Variants in SUGCT observed in about 807,000 individuals in gnomAD.
The protein encoded by SUGCT is succinyl-CoA:glutarate-CoA transferase.
SUGCT carries 41 observed loss-of-function variants against 55.0 expected under a neutral mutation model. The ratio of observed to expected loss-of-function variants is 0.74; its 90% CI spans 0.58 to 0.97. The LOEUF (loss-of-function observed/expected upper bound fraction) is 0.97. SUGCT is among the 50% of genes least tolerant of loss of function. The pLI is 0.00. For missense variants in SUGCT, 568 were observed against 547.8 expected (o/e 1.04, Z -0.37); for synonymous variants, 187 against 200.4 (o/e 0.93, Z 0.56).
chr7:40,953,596 G>A, the SUGCT span, among the ~76,000 whole-genome samples: 1 of 152,104 alleles, frequency 6.6e-6, no homozygotes, highest in Non-Finnish European at 1.5e-5. Flanking sequence ...TCTACCTTTG[G>A]TCTTTGATGA....
chr7:41,027,699 T>C, the SUGCT span, among the ~76,000 whole-genome samples: 3 of 152,144 alleles, frequency 2.0e-5, no homozygotes, highest in African/African-American at 7.2e-5. Context: ...AGTTGTCTCA[T>C]GTAAAAAAGT....
chr7:40,816,293 T>G (rs1050129250), intron 13 of SUGCT, among the ~76,000 whole-genome samples: 1 of 152,214 alleles, frequency 6.6e-6, no homozygotes, highest in Admixed American at 6.5e-5. Context: ...GGTCCTGCAT[T>G]AAAAATGGCA....
chr7:40,334,408 C>T (rs1344344192), intron 9 of SUGCT, among the ~76,000 whole-genome samples: 2 of 152,170 alleles, frequency 1.3e-5, no homozygotes, highest in East Asian at 1.9e-4. Flanking sequence ...CCTCTCCCAG[C>T]ACCTGTTGTT....
chr7:40,999,677 C>T, the SUGCT span, among the ~76,000 whole-genome samples: 5 of 152,114 alleles, frequency 3.3e-5, no homozygotes, highest in Non-Finnish European at 7.4e-5. Context: ...TCCAGTGGGG[C>T]CAGAAATTCT....
intron 7 of SUGCT, among the ~76,000 whole-genome samples, chr7:40,239,384 A>C (rs1183472810): frequency 6.6e-6 from 1 of 152,166 alleles, no homozygotes; most frequent in East Asian, 1.9e-4. Context: ...GCCTTCCCTT[A>C]AAATATTCAA....
At chr7:40,722,076 T>G (rs1786367984) in intron 12 of SUGCT, among the ~76,000 whole-genome samples, 1 of 152,192 alleles carries the variant, frequency 6.6e-6, no homozygotes, top group Non-Finnish European at 1.5e-5. Context: ...AGTAATTTTT[T>G]TTTTTTAACG....
chr7:40,885,489 CT>C, the SUGCT span, among the ~76,000 whole-genome samples: 1 of 152,178 alleles, frequency 6.6e-6, no homozygotes, highest in East Asian at 1.9e-4. Flanking sequence ...AAGTCTTCCT[CT>C]TTGGGGACCC....
intron 11 of SUGCT, among the ~76,000 whole-genome samples, chr7:40,467,277 T>C (rs936527527): frequency 2.0e-5 from 3 of 151,608 alleles, no homozygotes; most frequent in Non-Finnish European, 4.4e-5. Flanking sequence ...TCAGCCTATT[T>C]GAGGAAAATC....
At chr7:40,473,540 C>A (rs1790508003) in intron 11 of SUGCT, among the ~76,000 whole-genome samples, 1 of 152,032 alleles carries the variant, frequency 6.6e-6, no homozygotes, top group Non-Finnish European at 1.5e-5. Context: ...CGGTTAGCAG[C>A]AGGGACTGAG....
At chr7:40,523,479 T>G (rs952040863) in intron 12 of SUGCT, among the ~76,000 whole-genome samples, 2 of 152,128 alleles carry the variant, frequency 1.3e-5, no homozygotes, top group Admixed American at 1.3e-4. Context: ...GTGTCTGATT[T>G]TATTAGTTTT....
At chr7:40,337,782 C>T (rs1347346258) in intron 9 of SUGCT, among the ~76,000 whole-genome samples, 1 of 151,908 alleles carries the variant, frequency 6.6e-6, no homozygotes, top group African/African-American at 2.4e-5. Context: ...TGAATTTGAT[C>T]CTGTCATTAT....
intron 13 of SUGCT, among the ~76,000 whole-genome samples, chr7:40,848,026 G>A (rs910412167): frequency 1.3e-5 from 2 of 152,158 alleles, no homozygotes; most frequent in African/African-American, 2.4e-5. Context: ...TGGCCTCCCA[G>A]AAACAAGGGC....
At chr7:40,180,389 A>T (rs1785130802) in intron 1 of SUGCT, among the ~76,000 whole-genome samples, 1 of 151,964 alleles carries the variant, frequency 6.6e-6, no homozygotes, top group Non-Finnish European at 1.5e-5. Flanking sequence ...AAGTGGTGGG[A>T]TTACAGGCGT....
At chr7:40,810,171 G>A (rs1018365250) in intron 13 of SUGCT, among the ~76,000 whole-genome samples, 1 of 151,714 alleles carries the variant, frequency 6.6e-6, no homozygotes, top group Non-Finnish European at 1.5e-5. Flanking sequence ...GGTCACCCAG[G>A]CTGGAGTGCA....
rs1788007304 is a variant in SUGCT, at chr7:40,221,297, G to A, written c.485-16338G>A. Among the ~76,000 whole-genome samples, 3 of 150,712 alleles carry A rather than the reference G, an allele frequency of 2.0e-5. No homozygotes were observed. The South Asian group carries it at 6.3e-4, about 32-fold the overall frequency. ...GGCATGGTGGTGCATTCCTGTAATCGCAGCTACTTGGGAGGGTGAGGCACA... is the reference window on the plus strand; with the variant it reads ...GGCATGGTGGTGCATTCCTGTAATCACAGCTACTTGGGAGGGTGAGGCACA... On this transcript the variant is annotated intron_variant, in intron 6 of 13. Coordinates refer to ENST00000335693, the MANE Select transcript of SUGCT (RefSeq NM_001193313.2).
intron 13 of SUGCT, among the ~76,000 whole-genome samples, chr7:40,845,872 T>C (rs1459641791): frequency 6.6e-6 from 1 of 152,200 alleles, no homozygotes; most frequent in Non-Finnish European, 1.5e-5. Context: ...CTAATTCTTT[T>C]ACTATAGTGA....
the SUGCT span, among the ~76,000 whole-genome samples, chr7:41,020,032 T>C: frequency 6.6e-6 from 1 of 152,216 alleles, no homozygotes; most frequent in African/African-American, 2.4e-5. Context: ...TTAATTTTCC[T>C]TCTCACTCAT....
the SUGCT span, among the ~76,000 whole-genome samples, chr7:41,001,587 C>T: frequency 6.6e-6 from 1 of 152,126 alleles, no homozygotes; most frequent in African/African-American, 2.4e-5. Flanking sequence ...AGTCCAACAT[C>T]AGGATGCTGG....
At chr7:40,506,640 C>A (rs1168774443) in intron 12 of SUGCT, among the ~76,000 whole-genome samples, 1 of 151,956 alleles carries the variant, frequency 6.6e-6, no homozygotes, top group African/African-American at 2.4e-5. Flanking sequence ...ATTCTTCTTT[C>A]TTCTAGTACT....
Sources: gnomAD v4.1 joint callset for allele counts (sites outside exome capture counted in the v4.1 genomes callset) on GRCh38, gnomAD v4.1.1 for gene constraint, MANE v1.5 for transcripts, NCBI Gene and HGNC (gene_info 2026-07-23, HGNC 2026-07-21) for gene names.